Variants in ZNF571 observed in about 807,000 individuals in gnomAD.
ZNF571 encodes zinc finger protein 571.
A neutral mutation model predicts 7.7 loss-of-function variants in ZNF571; 4 were observed. That is an observed-to-expected ratio of 0.52 (90% CI 0.25 to 1.18). The LOEUF (loss-of-function observed/expected upper bound fraction) is 1.18. ZNF571 is among the 50% of genes most tolerant of loss of function. The pLI, the probability that ZNF571 is intolerant of heterozygous loss-of-function variation, is 0.14. For missense variants in ZNF571, 704 were observed against 726.9 expected, an observed-to-expected ratio of 0.97 and a Z score of 0.36; for synonymous variants, 251 against 232.4, an observed-to-expected ratio of 1.08 and a Z score of -0.73.
rs1377966844 is a variant in ZNF571, at chr19:37,565,552, A to G, written c.876T>C (p.Ser292=). 6.2e-7 allele frequency: 1 copy of G among 1,612,114 alleles called. No homozygotes were observed. Among genetic ancestry groups the G allele is most frequent in the Non-Finnish European group, 8.5e-7 (1 of 1,179,396 alleles). The part of the protein sequence containing the change: ...KDCGKAFILG[S]QLTYHQRIHS... ...GAATTCTCTGATGGTAAGTAAGTTGAGAGCCAAGAATAAAGGCCTTCCCAC... is the reference window on the plus strand; with the variant it reads ...GAATTCTCTGATGGTAAGTAAGTTGGGAGCCAAGAATAAAGGCCTTCCCAC... Residue 292 remains serine, a synonymous_variant, in exon 4 of 4, where the codon TCT becomes TCC. Coordinates refer to ENST00000451802, the MANE Select transcript of ZNF571 (RefSeq NM_016536.5).
At chr19:37,590,676 A>G (rs1204931920) in intron 1 of ZNF571, among the ~76,000 whole-genome samples, 1 of 152,204 alleles carries the variant, frequency 6.6e-6, no homozygotes, top group African/African-American at 2.4e-5. Flanking sequence ...GCAAAATGTT[A>G]AAAACTGGTA....
chr19:37,591,078 G>A (rs1230021555), intron 1 of ZNF571, among the ~76,000 whole-genome samples: 1 of 152,096 alleles, frequency 6.6e-6, no homozygotes, highest in Admixed American at 6.5e-5. Flanking sequence ...CATGATTCAT[G>A]ATTTATACTT....
At position 37,566,072 on chromosome 19, in the gene ZNF571, G is replaced by C. The variant is rs775405046; in HGVS notation, c.356C>G (p.Thr119Ser). 4 of 1,613,956 alleles carry C rather than the reference G, an allele frequency of 2.5e-6. No individual in the cohort carries two copies. In the Admixed American group the frequency reaches 6.7e-5, roughly 27 times the overall value. Residue 119 changes from threonine to serine, a missense_variant, in exon 4 of 4, where the codon ACT becomes AGT. By Grantham distance (58) the Thr-to-Ser change is moderately conservative (BLOSUM62 1). Transcript: ENST00000451802. ...AGTAGAAGAGGTTGAATGACTTTCA[G>C]TGGCCTTTTCTTCACAGGTAATTTT... Reference protein sequence around the residue: ...CVKITCEEKATESHSTSSTFH... With the variant: ...CVKITCEEKASESHSTSSTFH...
intron 3 of ZNF571, among the ~76,000 whole-genome samples, chr19:37,572,989 G>T (rs1227035442): frequency 2.0e-5 from 3 of 152,086 alleles, no homozygotes; most frequent in African/African-American, 7.2e-5. Flanking sequence ...ATTTGTACTA[G>T]TAGCTTCTTT....
intron 2 of ZNF571, among the ~76,000 whole-genome samples, chr19:37,584,748 G>A (rs1022825789): frequency 1.3e-5 from 2 of 152,042 alleles, no homozygotes; most frequent in African/African-American, 4.8e-5. Flanking sequence ...GGATCACGAG[G>A]TCAGGAGATC....
At position 37,565,479 on chromosome 19, in the gene ZNF571, T is replaced by G; in HGVS notation, c.949A>C (p.Ile317Leu). ...TGGTATGTAAGGTGTGAACCAAGAA[T>G]AAAGGCCTTTCCACATTCCTTACAC... ...YECKECGKAF[I>L]LGSHLTYHQR... Residue 317 changes from isoleucine to leucine, a missense_variant, in exon 4 of 4, where the codon ATT (isoleucine) becomes CTT (leucine). Coordinates refer to ENST00000451802, the MANE Select transcript of ZNF571 (RefSeq NM_016536.5). 6.2e-7 allele frequency: 1 copy of G among 1,613,310 alleles called. No individual in the cohort carries two copies. The highest frequency in any genetic ancestry group is 8.5e-7 in the Non-Finnish European group (1 of 1,179,734).
intron 3 of ZNF571, among the ~76,000 whole-genome samples, chr19:37,574,698 GAA>G (rs1600490294): frequency 1.3e-5 from 2 of 152,136 alleles, no homozygotes; most frequent in East Asian, 3.9e-4. Flanking sequence ...GATATGACTA[GAA>G]AAAGTCACTC....
chr19:37,578,099 G>A (rs2043308503), intron 3 of ZNF571, among the ~76,000 whole-genome samples: 1 of 152,160 alleles, frequency 6.6e-6, no homozygotes, highest in Non-Finnish European at 1.5e-5. Flanking sequence ...ACTAATGCCT[G>A]ATGATTTGAG....
At chr19:37,590,373 C>T (rs1027230753) in intron 1 of ZNF571, among the ~76,000 whole-genome samples, 3 of 151,728 alleles carry the variant, frequency 2.0e-5, no homozygotes, top group Non-Finnish European at 4.4e-5. Flanking sequence ...GCCAAGATCT[C>T]GCCACCGCAC....
At chr19:37,593,725 A>C (rs1050423468) in intron 1 of ZNF571, among the ~76,000 whole-genome samples, 1 of 152,056 alleles carries the variant, frequency 6.6e-6, no homozygotes, top group Non-Finnish European at 1.5e-5. Context: ...AACAAACAAA[A>C]AAATCTTAGA....
At chr19:37,584,963 C>CA (rs566166777) in intron 2 of ZNF571, 35,859 of 97,136 alleles carry the variant, frequency 0.37, 5,527 homozygotes, top group Middle Eastern at 0.47. Context: ...GACTCCGTCT[C>CA]AAAAAAAAAA....
chr19:37,570,403 T>C (rs2147162518), intron 3 of ZNF571, among the ~76,000 whole-genome samples: 1 of 152,274 alleles, frequency 6.6e-6, no homozygotes, highest in South Asian at 2.1e-4. Context: ...TGTCTTTCCC[T>C]CCACCTCGCT....
intron 1 of ZNF571, among the ~76,000 whole-genome samples, chr19:37,591,909 A>G (rs544695951): frequency 2.0e-5 from 3 of 152,212 alleles, no homozygotes; most frequent in Non-Finnish European, 4.4e-5. Context: ...GAAGAACTGT[A>G]ACTAATGAAT....
intron 3 of ZNF571, among the ~76,000 whole-genome samples, chr19:37,580,603 C>T (rs535959414): frequency 6.6e-6 from 1 of 152,274 alleles, no homozygotes; most frequent in East Asian, 1.9e-4. Flanking sequence ...GTGGGAGGTG[C>T]TTGGGTCATG....
chr19:37,564,970 A>T lies in ZNF571; in HGVS notation c.1458T>A (p.Ala486=). ...TTCTTTGATGATATGTAAGTTGTGTAGCACGTACAAAGGTCTTCCCACATT... is the reference window on the plus strand; with the variant it reads ...TTCTTTGATGATATGTAAGTTGTGTTGCACGTACAAAGGTCTTCCCACATT... ...CKECGKTFVR[A]TQLTYHQRIH... Residue 486 remains alanine, a synonymous_variant, in exon 4 of 4, where the codon GCT becomes GCA. Coordinates refer to ENST00000451802, the MANE Select transcript of ZNF571 (RefSeq NM_016536.5). The T allele has an allele frequency of 6.2e-7, 1 of 1,613,826 alleles. No homozygotes were observed. Among genetic ancestry groups the T allele is most frequent in the Non-Finnish European group, 8.5e-7 (1 of 1,179,900 alleles).
At chr19:37,579,771 C>T (rs1021147200) in intron 3 of ZNF571, among the ~76,000 whole-genome samples, 9 of 152,220 alleles carry the variant, frequency 5.9e-5, no homozygotes, top group Non-Finnish European at 1.3e-4. Context: ...ATTACTCTCT[C>T]TCCCAGTACT....
At chr19:37,566,349 C>A (rs118051536) in intron 3 of ZNF571, 58 bp from the exon 4 acceptor site, 52,547 of 1,520,344 alleles carry the variant, frequency 0.035, 1,088 homozygotes, top group Middle Eastern at 0.061. Context: ...AATAAAAATT[C>A]TATGGTAAAA....
chr19:37,587,705 TTAAG>T (rs2043724308), intron 1 of ZNF571, among the ~76,000 whole-genome samples: 1 of 152,012 alleles, frequency 6.6e-6, no homozygotes, highest in African/African-American at 2.4e-5. Context: ...GGTAAATAAT[TTAAG>T]TAAGATTTTG....
intron 3 of ZNF571, among the ~76,000 whole-genome samples, chr19:37,574,461 A>G (rs1425064969): frequency 6.6e-6 from 1 of 152,192 alleles, no homozygotes; most frequent in African/African-American, 2.4e-5. Context: ...TCCCATAACT[A>G]TTCCCCAAAT....
Sources: allele counts gnomAD v4.1 joint callset (sites outside exome capture counted in the v4.1 genomes callset), GRCh38; gene constraint gnomAD v4.1.1; transcripts MANE v1.5; gene names NCBI Gene and HGNC (gene_info 2026-07-23, HGNC 2026-07-21).